The following ZNF677 variants were observed in gnomAD, a reference collection of about 807,000 sequenced individuals.
ZNF677 encodes hypothetical protein MGC48625.
A neutral mutation model predicts 8.1 loss-of-function variants in ZNF677; 5 were observed. The observed-to-expected ratio is 0.62, with a 90% CI of 0.32 to 1.29. ZNF677 has a LOEUF of 1.29. Ranked by LOEUF, ZNF677 falls within the 50% of genes most tolerant of loss-of-function variation. ZNF677 has a pLI of 0.05. For missense variants in ZNF677, 685 were observed against 685.9 expected (o/e 1.00, Z 0.01); for synonymous variants, 221 against 225.6 (o/e 0.98, Z 0.18).
chr19:53,237,829 A>C lies in ZNF677; in HGVS notation c.898T>G (p.Phe300Val). ...PYKCNECGKAFNQCSNLTRHQ... is the reference protein window; with the variant it reads ...PYKCNECGKAVNQCSNLTRHQ... ...CTAGTGAGGTTCGAACACTGGTTAAAGGCTTTGCCACACTCGTTACATTTG... is the reference window on the plus strand; with the variant it reads ...CTAGTGAGGTTCGAACACTGGTTAACGGCTTTGCCACACTCGTTACATTTG... The change falls in exon 5 of 5, where the codon TTT becomes GTT. Residue 300 changes from phenylalanine (F) to valine (V), a missense_variant. Physicochemically the swap from Phe to Val is conservative, Grantham distance 50 (BLOSUM62 -1). Transcript: ENST00000598513. 1 of 1,613,340 alleles carries C rather than the reference A, an allele frequency of 6.2e-7. No individual in the cohort carries two copies.
rs1490719480 is a variant in ZNF677 at position 53,238,133 on chromosome 19, C to T, written c.594G>A (p.Gln198=). 2 of 1,613,672 alleles carry T rather than the reference C, an allele frequency of 1.2e-6. No individual in the cohort carries two copies. Among genetic ancestry groups the T allele is most frequent in the South Asian group, 1.1e-5 (1 of 91,052 alleles). ...TTTGAAATCTCTGTAGTTCAGCCAGCTGTGCCTGTAAGCTTAATCCAATTT... is the reference window on the plus strand; with the variant it reads ...TTTGAAATCTCTGTAGTTCAGCCAGTTGTGCCTGTAAGCTTAATCCAATTT... The part of the protein sequence containing the change: ...ENKIGLSLQA[Q]LAELQRFQTG... The change falls in exon 5 of 5, where the codon CAG becomes CAA. Residue 198 remains glutamine, a synonymous_variant. Coordinates refer to ENST00000598513, the MANE Select transcript of ZNF677 (RefSeq NM_182609.4).
At chr19:53,248,589 C>G (rs1380135327) in intron 3 of ZNF677, among the ~76,000 whole-genome samples, 1 of 152,160 alleles carries the variant, frequency 6.6e-6, no homozygotes, top group Non-Finnish European at 1.5e-5. Context: ...TACTGAATTC[C>G]TGCTGGATAG....
intron 1 of ZNF677, among the ~76,000 whole-genome samples, chr19:53,253,709 A>ATAAC (rs199981554): frequency 6.6e-6 from 1 of 152,126 alleles, no homozygotes; most frequent in Non-Finnish European, 1.5e-5. Flanking sequence ...AAATAAATAA[A>ATAAC]AGAAAGCAAA....
chr19:53,253,818 C>T (rs1166235704), intron 1 of ZNF677, among the ~76,000 whole-genome samples: 1 of 152,068 alleles, frequency 6.6e-6, no homozygotes, highest in African/African-American at 2.4e-5. Context: ...ACATTTAAGA[C>T]AAGTTGAATA....
At chr19:53,246,517 C>T (rs954132532) in intron 3 of ZNF677, among the ~76,000 whole-genome samples, 1 of 151,486 alleles carries the variant, frequency 6.6e-6, no homozygotes, top group African/African-American at 2.4e-5. Flanking sequence ...CACACACACA[C>T]ACACACACAC....
intron 4 of ZNF677, chr19:53,241,720 G>A (rs922903837): frequency 1.5e-5 from 6 of 394,952 alleles, no homozygotes; most frequent in African/African-American, 4.1e-5. Flanking sequence ...ACTGGGACAT[G>A]CAGGCTACTC....
chr19:53,252,024 C>T (rs1005675049), intron 2 of ZNF677, among the ~76,000 whole-genome samples: 14 of 152,140 alleles, frequency 9.2e-5, no homozygotes, highest in African/African-American at 3.4e-4. Context: ...AGACTTTTGT[C>T]CCACAGGCAG....
chr19:53,243,954 A>C, intron 3 of ZNF677, 57 bp from the exon 4 acceptor site: 1 of 1,498,010 alleles, frequency 6.7e-7, no homozygotes, highest in Non-Finnish European at 9.0e-7. Context: ...ATTTTCACAC[A>C]AAATGGCAGA....
chr19:53,243,864 A>C lies in ZNF677; in HGVS notation c.49T>G (p.Phe17Val), dbSNP rs757812066. Reference sequence around the variant, plus strand: ...AGGCACTCCCACTCCTCTTGAGAGAATTCTATGGCCACATCCTTGAATGTA... The same window carrying C: ...AGGCACTCCCACTCCTCTTGAGAGACTTCTATGGCCACATCCTTGAATGTA... The part of the protein sequence containing the change: ...LFTFKDVAIE[F>V]SQEEWECLDP... Residue 17 changes from phenylalanine to valine, a missense_variant, in exon 4 of 5, where the codon TTC (phenylalanine) becomes GTC (valine). Physicochemically the swap from Phe to Val is conservative, Grantham distance 50 (BLOSUM62 -1). Transcript: ENST00000598513. The C allele has an allele frequency of 6.2e-7, 1 of 1,610,254 alleles. No homozygotes were observed. The highest frequency in any genetic ancestry group is 2.2e-5 in the East Asian group (1 of 44,848).
intron 3 of ZNF677, among the ~76,000 whole-genome samples, 197 bp downstream of exon 3, chr19:53,251,339 C>T (rs1042276337): frequency 2.6e-5 from 4 of 152,162 alleles, no homozygotes; most frequent in African/African-American, 7.2e-5. Context: ...ATCATCTAAA[C>T]GGAGCCTTTT....
At position 53,236,463 on chromosome 19, in the gene ZNF677, G is replaced by C. The variant is rs2090973499; in HGVS notation, c.*509C>G. On this transcript the variant is annotated 3_prime_UTR_variant, in exon 5 of 5. Transcript: ENST00000598513. ...CCTCTGACACACACCATGAGTTTGT[G>C]ACTTTTTAAAATTGTCTGTGAATTT... is the stretch of plus-strand genomic sequence containing the variant. 6.6e-6 allele frequency: 1 copy of C among 152,458 alleles called. No homozygotes were observed. The highest frequency in any genetic ancestry group is 1.5e-5 in the Non-Finnish European group (1 of 68,278). 9.4% of individuals were successfully genotyped at this position (152,458 alleles called of 1,614,324 possible).
Position 53,237,315 on chromosome 19 carries a change from C to T in ZNF677, c.1412G>A (p.Arg471His), listed in dbSNP as rs143884875. ...TCTCTGATGACCCCAAAGGTGTGAA[C>T]GTTTGATAAAAGCTTTATCACATTT... ...CNKCDKAFIK[R>H]SHLWGHQRTH... Residue 471 changes from arginine to histidine, a missense_variant, in exon 5 of 5, where the codon CGT becomes CAT. Physicochemically the swap from Arg to His is conservative, Grantham distance 29. Transcript: ENST00000598513. 13 of 1,613,468 alleles carry T rather than the reference C, an allele frequency of 8.1e-6. No homozygotes were observed. The South Asian group carries it at 9.9e-5, about 12-fold the overall frequency.
chr19:53,240,134 T>G (rs1218592593), intron 4 of ZNF677: 2 of 152,246 alleles, frequency 1.3e-5, no homozygotes, highest in Non-Finnish European at 2.9e-5. Flanking sequence ...GAGTAAGCTG[T>G]CCTGTGTATA....
At chr19:53,253,493 G>A (rs1418311527) in intron 1 of ZNF677, among the ~76,000 whole-genome samples, 2 of 152,180 alleles carry the variant, frequency 1.3e-5, no homozygotes, top group African/African-American at 4.8e-5. Context: ...TTCGAGACCA[G>A]CCTGGCTAAC....
intron 1 of ZNF677, among the ~76,000 whole-genome samples, chr19:53,254,116 T>TTTATAGAGCCATACATCAGTATCAGAAAC (rs2091277849): frequency 6.6e-6 from 1 of 152,174 alleles, no homozygotes; most frequent in Non-Finnish European, 1.5e-5. Context: ...AAGCAAATTT[T>TTTATAGAGCCATACATCAGTATCAGAAAC]AAATTAATTA....
At chr19:53,243,562 T>C in intron 4 of ZNF677, 182 bp downstream of exon 4, 1 of 732,856 alleles carries the variant, frequency 1.4e-6, no homozygotes, top group Non-Finnish European at 2.2e-6. Flanking sequence ...AACCTGATTA[T>C]GCGCAGAACT....
intron 4 of ZNF677, chr19:53,241,036 G>T (rs2091041777): frequency 6.6e-6 from 1 of 151,976 alleles, no homozygotes; most frequent in African/African-American, 2.4e-5. Flanking sequence ...TTGATATAAA[G>T]TTACAGGAAA....
intron 4 of ZNF677, chr19:53,242,096 T>C (rs1004353598): frequency 1.3e-5 from 5 of 395,066 alleles, no homozygotes; most frequent in Non-Finnish European, 2.2e-5. Flanking sequence ...CACACCCGGC[T>C]AATTTTTGTA....
At chr19:53,251,081 T>G (rs2091226518) in intron 3 of ZNF677, among the ~76,000 whole-genome samples, 1 of 152,270 alleles carries the variant, frequency 6.6e-6, no homozygotes, top group Non-Finnish European at 1.5e-5. Flanking sequence ...ATTGTTTAGC[T>G]ACAAATGTAT....
Sources: allele counts gnomAD v4.1 joint callset (sites outside exome capture counted in the v4.1 genomes callset), GRCh38; gene constraint gnomAD v4.1.1; transcripts MANE v1.5; gene names NCBI Gene and HGNC (gene_info 2026-07-23, HGNC 2026-07-21).